The following ANKFY1 variants were observed in gnomAD, a reference collection of about 807,000 sequenced individuals.
ANKFY1 encodes the protein ankyrin repeat and FYVE domain containing 1, also known as ankyrin repeat and FYVE domain-containing protein 1.
Under a neutral mutation model 128.3 loss-of-function variants are expected in ANKFY1, and 47 were observed. That is an observed-to-expected ratio of 0.37 (90% CI 0.29 to 0.47). The LOEUF (loss-of-function observed/expected upper bound fraction) is 0.47. ANKFY1 is among the 20% of genes least tolerant of loss of function. The pLI is 1.00. For synonymous variants in ANKFY1, 553 were observed against 601.6 expected, an observed-to-expected ratio of 0.92 and a Z score of 1.18; for missense variants, 1,222 against 1,510.6, an observed-to-expected ratio of 0.81 and a Z score of 3.17.
rs748767485 is a variant in ANKFY1 at position 4,197,381 on chromosome 17, G to C, written c.1095C>G (p.Ser365Arg). 1 of 1,614,088 alleles carries C rather than the reference G, an allele frequency of 6.2e-7. No individual in the cohort carries two copies. Among genetic ancestry groups the C allele is most frequent in the South Asian group, 1.1e-5 (1 of 91,078 alleles). ...TCTGCTCCCCAGCTTACCTCCCCTT[G>C]CTGTCCTGCATGTTGGGGTTGGCAC... ...QAGANPNMQD[S>R]KGRTPLHVSI... The change falls in exon 8 of 25, where the codon AGC (serine) becomes AGG (arginine). Residue 365 changes from serine (S) to arginine (R), a missense_variant. By Grantham distance (110) the Ser-to-Arg change is moderately radical. Coordinates refer to ENST00000341657, the MANE Select transcript of ANKFY1 (RefSeq NM_001330063.2).
At chr17:4,186,756 T>C (rs1371834507) in intron 11 of ANKFY1, 2 of 955,034 alleles carry the variant, frequency 2.1e-6, no homozygotes, top group Non-Finnish European at 2.5e-6. Context: ...TTCCAGACCT[T>C]CTTCCTACGC....
At chr17:4,184,000 G>A (rs1024647267) in intron 12 of ANKFY1, 90 bp from the exon 13 acceptor site, 1 of 1,088,294 alleles carries the variant, frequency 9.2e-7, no homozygotes, top group African/African-American at 1.5e-5. Context: ...CAAACTGCCT[G>A]TTGGGTATAA....
At chr17:4,256,951 T>C (rs1968163551) in intron 1 of ANKFY1, among the ~76,000 whole-genome samples, 1 of 152,182 alleles carries the variant, frequency 6.6e-6, no homozygotes, top group Non-Finnish European at 1.5e-5. Flanking sequence ...AAATATTAGC[T>C]AACTAGCCAT....
chr17:4,169,725 GAC>G lies in ANKFY1; in HGVS notation c.3287-439_3287-438del, dbSNP rs1307334878. On this transcript the variant is annotated intron_variant, in intron 23 of 24. Coordinates refer to ENST00000341657, the MANE Select transcript of ANKFY1 (RefSeq NM_001330063.2). This position sits in a 1 kb window ranked among gnomAD's most constrained non-coding sequence, Gnocchi z 5.0. ...GGGATGTGAGCGGGAGCAGGCAGAA[GAC>G]ACGGGTGATTTCCAGGCTTCCGGAG... Among the ~76,000 whole-genome samples the G allele has an allele frequency of 6.6e-6, 1 of 152,232 alleles. No individual in the cohort carries two copies. The highest frequency in any genetic ancestry group is 1.5e-5 in the Non-Finnish European group (1 of 68,046).
intron 3 of ANKFY1, among the ~76,000 whole-genome samples, chr17:4,225,052 A>AT (rs1372467681): frequency 7.2e-5 from 9 of 125,536 alleles, no homozygotes; most frequent in South Asian, 5.0e-4. Flanking sequence ...TTTGTTTTAT[A>AT]TTTAAAAAAA....
chr17:4,248,849 C>T (rs929620743), intron 1 of ANKFY1, among the ~76,000 whole-genome samples: 1 of 152,132 alleles, frequency 6.6e-6, no homozygotes, highest in African/African-American at 2.4e-5. Flanking sequence ...AAAAGCTACG[C>T]TAAGTATCAG....
chr17:4,172,061 C>T (rs778560415), intron 22 of ANKFY1, among the ~76,000 whole-genome samples: 2 of 152,168 alleles, frequency 1.3e-5, no homozygotes, highest in Admixed American at 6.5e-5. Flanking sequence ...GAGGGCCACA[C>T]GAATGAACAC....
Position 4,195,045 on chromosome 17 carries a change from A to G in ANKFY1, c.1305T>C (p.Asp435=). 1.2e-6 allele frequency: 2 copies of G among 1,614,184 alleles called. No homozygotes were observed. Among genetic ancestry groups the G allele is most frequent in the Non-Finnish European group, 1.7e-6 (2 of 1,180,036 alleles). ...DVPVVNGTSF[D]ENSFAARLIQ... The stretch of plus-strand genomic sequence containing the variant: ...TGAGTCTGGCTGCAAAGCTGTTCTC[A>G]TCAAATGAAGTCCCATTTACCACGG... The change falls in exon 10 of 25, where the codon GAT becomes GAC. Residue 435 remains aspartate (D), a synonymous_variant. Transcript: ENST00000341657.
rs185908735 is a variant in ANKFY1, at chr17:4,256,502, G to A, written c.10+7430C>T. 2.3e-3 allele frequency among the ~76,000 whole-genome samples: 354 copies of A among 152,262 alleles called. 1 individual carries two copies. The highest frequency in any genetic ancestry group is 5.1e-3 in the African/African-American group (211 of 41,564). On this transcript the variant is annotated intron_variant, in intron 1 of 24. Coordinates refer to ENST00000341657, the MANE Select transcript of ANKFY1 (RefSeq NM_001330063.2). ...GTTGAGAACTATGTACTAATGGAAC[G>A]AGGGAGAGAGGAAAGCACAGATGTG...
chr17:4,180,724 GCAC>G (rs1486010644), intron 16 of ANKFY1, among the ~76,000 whole-genome samples: 1 of 131,644 alleles, frequency 7.6e-6, no homozygotes, highest in Admixed American at 9.0e-5. Context: ...TGGTGCCACT[GCAC>G]TCTAGCCTGG....
intron 4 of ANKFY1, among the ~76,000 whole-genome samples, chr17:4,213,349 C>T (rs772790056): frequency 6.6e-6 from 1 of 151,664 alleles, no homozygotes; most frequent in Non-Finnish European, 1.5e-5. Flanking sequence ...GCCACCACGA[C>T]CGGCTAATTT....
intron 1 of ANKFY1, among the ~76,000 whole-genome samples, chr17:4,260,219 G>A (rs1379943385): frequency 1.3e-5 from 2 of 152,178 alleles, no homozygotes; most frequent in African/African-American, 4.8e-5. Context: ...ATGTCTTAAA[G>A]GGAACACTAG....
intron 11 of ANKFY1, chr17:4,187,148 C>T (rs2059626985): frequency 8.3e-6 from 5 of 599,578 alleles, no homozygotes; most frequent in African/African-American, 1.9e-5. Flanking sequence ...TCCCCCACCG[C>T]CCTCCCAAGC....
At chr17:4,168,081 C>A in intron 24 of ANKFY1, 170 bp from the exon 25 acceptor site, 1 of 597,226 alleles carries the variant, frequency 1.7e-6, no homozygotes, top group Non-Finnish European at 2.7e-6. Context: ...AATTTTTAGT[C>A]TATGAAAACA....
intron 1 of ANKFY1, among the ~76,000 whole-genome samples, chr17:4,251,678 A>C (rs897271564): frequency 6.6e-6 from 1 of 152,096 alleles, no homozygotes; most frequent in Non-Finnish European, 1.5e-5. Context: ...AAATTTTAAA[A>C]ACTGTTCTTG....
chr17:4,194,853 A>G (rs1268221028), intron 10 of ANKFY1, 125 bp downstream of exon 10: 4 of 884,892 alleles, frequency 4.5e-6, no homozygotes, highest in Non-Finnish European at 7.0e-6. Context: ...ATATAAAATT[A>G]AGTACAAAAT....
chr17:4,202,235 C>T (rs573231085), intron 7 of ANKFY1, among the ~76,000 whole-genome samples: 2 of 151,216 alleles, frequency 1.3e-5, no homozygotes, highest in East Asian at 3.9e-4. Context: ...AACCCAATCG[C>T]TACAAAAATA....
intron 12 of ANKFY1, among the ~76,000 whole-genome samples, chr17:4,184,436 G>A (rs1393572353): frequency 6.6e-6 from 1 of 152,212 alleles, no homozygotes; most frequent in Non-Finnish European, 1.5e-5. Context: ...TGTCCCACAG[G>A]GGCTGCCCCT....
intron 3 of ANKFY1, chr17:4,223,903 A>G (rs1305616749): frequency 1.5e-6 from 1 of 647,078 alleles, no homozygotes; most frequent in Non-Finnish European, 2.7e-6. Flanking sequence ...CACCACGCCA[A>G]CAGAAGCACA....
Sources: gnomAD v4.1 joint callset for allele counts (sites outside exome capture counted in the v4.1 genomes callset) on GRCh38, gnomAD v4.1.1 for gene constraint, Gnocchi (gnomAD v3.1) non-coding constraint, MANE v1.5 for transcripts, NCBI Gene and HGNC (gene_info 2026-07-23, HGNC 2026-07-21) for gene names.